The following LIPI variants were observed in gnomAD, a reference collection of about 807,000 sequenced individuals.
The protein encoded by LIPI is lipase member I.
In LIPI, 59 loss-of-function variants were observed where a neutral mutation model predicts 50.6. The observed-to-expected ratio is 1.16, with a 90% confidence interval of 0.94 to 1.45. The LOEUF (loss-of-function observed/expected upper bound fraction) is 1.45. Ranked by LOEUF, LIPI falls within the 40% of genes most tolerant of loss-of-function variation. The pLI is 0.00. For synonymous variants in LIPI, 203 were observed against 178.2 expected (o/e 1.14, Z -1.11); for missense variants, 586 against 536.3 (o/e 1.09, Z -0.92).
intron 9 of LIPI, among the ~76,000 whole-genome samples, chr21:14,131,232 A>G (rs1406880309): frequency 6.6e-6 from 1 of 152,040 alleles, no homozygotes; most frequent in Non-Finnish European, 1.5e-5. Flanking sequence ...TACTAACTTA[A>G]ACAAGCTACT....
intron 9 of LIPI, among the ~76,000 whole-genome samples, chr21:14,121,252 A>C (rs752809320): frequency 3.9e-5 from 6 of 152,224 alleles, no homozygotes; most frequent in African/African-American, 1.4e-4. Context: ...TGAAAACTGC[A>C]TACAGCCTAT....
intron 4 of LIPI, 64 bp downstream of exon 4, chr21:14,181,694 T>G: frequency 1.1e-6 from 1 of 938,574 alleles, no homozygotes; most frequent in Non-Finnish European, 1.7e-6. Flanking sequence ...GCCCTCCTCT[T>G]GCCCAAGGTC....
At chr21:14,154,145 C>T (rs768771927) in intron 7 of LIPI, among the ~76,000 whole-genome samples, 1 of 147,346 alleles carries the variant, frequency 6.8e-6, no homozygotes, top group Admixed American at 6.9e-5. Flanking sequence ...TGACAAACCA[C>T]TGAGACTGGA....
chr21:14,184,173 G>T (rs1396724373), intron 3 of LIPI, among the ~76,000 whole-genome samples: 1 of 152,192 alleles, frequency 6.6e-6, no homozygotes, highest in Non-Finnish European at 1.5e-5. Flanking sequence ...CATGTCCTTT[G>T]TAGGGACATG....
chr21:14,128,800 C>A (rs971019080), intron 9 of LIPI, among the ~76,000 whole-genome samples: 2 of 152,014 alleles, frequency 1.3e-5, no homozygotes, highest in African/African-American at 4.8e-5. Context: ...ATTCTACTTT[C>A]AGAGATAAAA....
intron 9 of LIPI, among the ~76,000 whole-genome samples, chr21:14,138,270 A>G (rs1159529014): frequency 6.6e-6 from 1 of 152,152 alleles, no homozygotes; most frequent in African/African-American, 2.4e-5. Context: ...GGATAGATAG[A>G]TAGATAAAAA....
chr21:14,166,350 C>T lies in LIPI; in HGVS notation c.733+12G>A, dbSNP rs754517963. The T allele has an allele frequency of 2.1e-6, 3 of 1,408,532 alleles. No homozygotes were observed. The highest frequency in any genetic ancestry group is 1.4e-5 in the African/African-American group (1 of 70,728). 87.3% of individuals were successfully genotyped at this position (1,408,532 alleles called of 1,614,324 possible). On this transcript the variant is annotated intron_variant, in intron 5 of 9. Transcript: ENST00000681601. ...ATATTATGTAGTTCATTCAAAAATACTGTCAGTATACCTGAGAAAATTGAT... is the reference window on the plus strand; with the variant it reads ...ATATTATGTAGTTCATTCAAAAATATTGTCAGTATACCTGAGAAAATTGAT...
chr21:14,181,259 C>T (rs1461293234), intron 4 of LIPI, among the ~76,000 whole-genome samples: 1 of 152,126 alleles, frequency 6.6e-6, no homozygotes, highest in Non-Finnish European at 1.5e-5. Flanking sequence ...ATCCAATACC[C>T]TGTTAGAGAT....
At chr21:14,138,313 A>T (rs1410685617) in intron 9 of LIPI, among the ~76,000 whole-genome samples, 1 of 152,174 alleles carries the variant, frequency 6.6e-6, no homozygotes, top group Non-Finnish European at 1.5e-5. Context: ...ATATAACTGC[A>T]TATTGGCTGT....
intron 9 of LIPI, among the ~76,000 whole-genome samples, chr21:14,131,722 A>G (rs1185576735): frequency 1.3e-5 from 2 of 152,212 alleles, no homozygotes; most frequent in African/African-American, 4.8e-5. Context: ...ACCAGAAAGA[A>G]TTCCTCAAAG....
chr21:14,188,928 T>C (rs1809571161), intron 2 of LIPI, 106 bp downstream of exon 2: 3 of 964,974 alleles, frequency 3.1e-6, no homozygotes, highest in Non-Finnish European at 1.6e-6. Context: ...GGGAAAAGTA[T>C]ATAGTTTATT....
intron 8 of LIPI, among the ~76,000 whole-genome samples, chr21:14,147,750 C>A (rs1490988302): frequency 6.6e-6 from 1 of 152,138 alleles, no homozygotes; most frequent in Non-Finnish European, 1.5e-5. Context: ...CTTGAAGTCA[C>A]TCTAGATTGG....
intron 1 of LIPI, among the ~76,000 whole-genome samples, chr21:14,201,651 A>T (rs1372553206): frequency 6.6e-6 from 1 of 152,096 alleles, no homozygotes; most frequent in South Asian, 2.1e-4. Flanking sequence ...CATGCTAAAA[A>T]CTCTCAATAA....
intron 1 of LIPI, among the ~76,000 whole-genome samples, chr21:14,201,346 G>A (rs567052846): frequency 6.6e-6 from 1 of 152,070 alleles, no homozygotes; most frequent in South Asian, 2.1e-4. Flanking sequence ...GAAAATTTTT[G>A]CAAACTATGC....
chr21:14,115,135 G>C (rs372465226), intron 9 of LIPI, among the ~76,000 whole-genome samples: 1 of 152,040 alleles, frequency 6.6e-6, no homozygotes, highest in African/African-American at 2.4e-5. Flanking sequence ...GTCTAAGTTA[G>C]AGAAGAATAC....
Position 14,144,602 on chromosome 21 carries a change from A to G in LIPI, c.1295+21T>C, listed in dbSNP as rs765334125. On this transcript the variant is annotated intron_variant, in intron 9 of 9. Coordinates refer to ENST00000681601, the MANE Select transcript of LIPI (RefSeq NM_001302998.2). ...CAAGTTTAAAAGATAACATGTTGAA[A>G]TCAAAATTTAATTTTCTTACCTTTC... is the stretch of plus-strand genomic sequence containing the variant. 1.3e-5 allele frequency: 17 copies of G among 1,339,310 alleles called. No homozygotes were observed. In the South Asian group the frequency reaches 1.6e-4, roughly 13 times the overall value. The allele number at this position is 1,339,310 out of a possible 1,614,324, so 83.0% of individuals were successfully genotyped here. A position where few individuals can be genotyped will look rare whatever the true frequency, so the allele number is the denominator to read the frequency against.
intron 4 of LIPI, among the ~76,000 whole-genome samples, chr21:14,173,576 G>A (rs2018994304): frequency 6.6e-6 from 1 of 152,050 alleles, no homozygotes; most frequent in Non-Finnish European, 1.5e-5. Context: ...TTTAATCTGG[G>A]GCACAAAAGA....
At chr21:14,127,761 A>T (rs549833926) in intron 9 of LIPI, among the ~76,000 whole-genome samples, 11 of 152,284 alleles carry the variant, frequency 7.2e-5, no homozygotes, top group Admixed American at 1.3e-4. Flanking sequence ...GTGCTCACCA[A>T]CATTCTGTAC....
In LIPI at chr21:14,125,681, C is replaced by T. The variant is rs555152533; in HGVS notation, c.1296-16601G>A. On this transcript the variant is annotated intron_variant, in intron 9 of 9. Coordinates refer to ENST00000681601, the MANE Select transcript of LIPI (RefSeq NM_001302998.2). ...CAAGTGATTCTCCTGCCTCAGCCTACCGGGTAGCTAGGACTACAGGCATGT... is the reference window on the plus strand; with the variant it reads ...CAAGTGATTCTCCTGCCTCAGCCTATCGGGTAGCTAGGACTACAGGCATGT... Among the ~76,000 whole-genome samples, 3 of 152,110 alleles carry T rather than the reference C, an allele frequency of 2.0e-5. No homozygotes were observed. The East Asian group carries it at 5.8e-4, about 30-fold the overall frequency.
Sources: allele counts gnomAD v4.1 joint callset (sites outside exome capture counted in the v4.1 genomes callset), GRCh38; gene constraint gnomAD v4.1.1; transcripts MANE v1.5; gene names NCBI Gene and HGNC (gene_info 2026-07-23, HGNC 2026-07-21).